POLR1A: variants seen among roughly 807,000 people sequenced by gnomAD.
POLR1A encodes DNA-directed RNA polymerase I subunit RPA1.
POLR1A carries 84 observed loss-of-function variants against 205.3 expected under a neutral mutation model. The ratio of observed to expected loss-of-function variants is 0.41; its 90% confidence interval spans 0.34 to 0.49. The LOEUF is 0.49. POLR1A is among the 20% of genes least tolerant of loss of function. The pLI is 0.22. For missense variants in POLR1A, 1,645 were observed against 2,204.5 expected, an observed-to-expected ratio of 0.75 and a Z score of 5.08; for synonymous variants, 799 against 863.7, an observed-to-expected ratio of 0.93 and a Z score of 1.31.
intron 16 of POLR1A, among the ~76,000 whole-genome samples, chr2:86,051,539 G>A (rs1672803167): frequency 6.6e-6 from 1 of 152,254 alleles, no homozygotes; most frequent in African/African-American, 2.4e-5. Context: ...GGTCTGTGAA[G>A]CAAAGGAGCC....
rs1690223809 is a variant in POLR1A at position 86,024,577 on chromosome 2, G to C, written c.*2846C>G. ...TGGGAATGCTGATAGTGTTTCTGGT[G>C]AGAACCCAAAAAAGAGACACTAAAA... On this transcript the variant is annotated 3_prime_UTR_variant, in exon 34 of 34. Transcript: ENST00000263857. The C allele has an allele frequency of 6.6e-6, 1 of 152,106 alleles. No individual in the cohort carries two copies. Among genetic ancestry groups the C allele is most frequent in the African/African-American group, 2.4e-5 (1 of 41,400 alleles). The allele number at this position is 152,106 out of a possible 1,614,324, so 9.4% of individuals were successfully genotyped here. A position where few individuals can be genotyped will look rare whatever the true frequency, so the allele number is the denominator to read the frequency against.
intron 28 of POLR1A, 97 bp downstream of exon 28, chr2:86,033,564 A>G (rs1397141292): frequency 7.3e-7 from 1 of 1,360,736 alleles, no homozygotes; most frequent in Non-Finnish European, 1.0e-6. Flanking sequence ...GGCCAGCACC[A>G]GGATGGGGCT....
At chr2:86,042,163 C>T (rs776430407) in intron 23 of POLR1A, 60 bp from the exon 24 acceptor site, 6 of 1,194,438 alleles carry the variant, frequency 5.0e-6, no homozygotes, top group Non-Finnish European at 6.2e-6. Flanking sequence ...TAAGAGGGAT[C>T]AAAAGCATTG....
Position 86,097,214 on chromosome 2 carries a change from C to CAAAAAAAAAAAAAAAAAAAAAAA in POLR1A, c.432+1374_432+1396dup, listed in dbSNP as rs757210116. Among the ~76,000 whole-genome samples, 40 of 39,692 alleles carry CAAAAAAAAAAAAAAAAAAAAAAA rather than the reference C, an allele frequency of 1.0e-3. 16 individuals are homozygous for CAAAAAAAAAAAAAAAAAAAAAAA. The highest frequency in any genetic ancestry group is 2.7e-3 in the African/African-American group (27 of 10,110). The allele number at this position is 39,692 out of a possible 152,430, so 26.0% of individuals were successfully genotyped here. A position where few individuals can be genotyped will look rare whatever the true frequency, so the allele number is the denominator to read the frequency against. Reference sequence around the variant, plus strand: ...CATTAGGATGGCTATCCCCAAAAGACAAAAAAAAAAAAAAAAAAAAAAAAA... The same window carrying CAAAAAAAAAAAAAAAAAAAAAAA: ...CATTAGGATGGCTATCCCCAAAAGACAAAAAAAAAAAAAAAAAAAAAAAAAAAAAAAAAAAAAAAAAAAAAAAA... On this transcript the variant is annotated intron_variant, in intron 3 of 33. Transcript: ENST00000263857.
intron 22 of POLR1A, 121 bp from the exon 23 acceptor site, chr2:86,043,316 C>T (rs1672651641): frequency 3.9e-6 from 3 of 761,218 alleles, no homozygotes; most frequent in Non-Finnish European, 6.7e-6. Flanking sequence ...GTGTGGAGCC[C>T]TCATGATGGG....
At chr2:86,054,614 A>AG (rs1672863354) in intron 14 of POLR1A, among the ~76,000 whole-genome samples, 1 of 152,250 alleles carries the variant, frequency 6.6e-6, no homozygotes, top group Admixed American at 6.5e-5. Context: ...GAAGGAGAGG[A>AG]AAAAGTAAAT....
intron 30 of POLR1A, among the ~76,000 whole-genome samples, chr2:86,031,093 T>G (rs1057019234): frequency 6.6e-6 from 1 of 152,210 alleles, no homozygotes; most frequent in Admixed American, 6.5e-5. Flanking sequence ...GGGCCCTTTT[T>G]CGGGGCAGAG....
intron 29 of POLR1A, 80 bp from the exon 30 acceptor site, chr2:86,031,715 T>TG (rs1672398765): frequency 1.3e-6 from 2 of 1,543,258 alleles, no homozygotes; most frequent in South Asian, 1.2e-5. Flanking sequence ...CAAAGACCCC[T>TG]GCAAAGCCTT....
chr2:86,025,366 C>G lies in POLR1A; in HGVS notation c.*2057G>C, dbSNP rs188729357. The G allele has an allele frequency of 3.3e-5, 5 of 152,364 alleles. No individual in the cohort carries two copies. The East Asian group carries it at 9.6e-4, about 29-fold the overall frequency. 9.4% of individuals were successfully genotyped at this position (152,364 alleles called of 1,614,324 possible). ...CATCTTAAGCTGCCAAGGCCACTCTCAGAGGCTTCCGAGCATAGAGAACCA... is the reference window on the plus strand; with the variant it reads ...CATCTTAAGCTGCCAAGGCCACTCTGAGAGGCTTCCGAGCATAGAGAACCA... On this transcript the variant is annotated 3_prime_UTR_variant, in exon 34 of 34. Coordinates refer to ENST00000263857, the MANE Select transcript of POLR1A (RefSeq NM_015425.6).
chr2:86,101,479 T>C (rs982773619), intron 1 of POLR1A, among the ~76,000 whole-genome samples: 1 of 152,210 alleles, frequency 6.6e-6, no homozygotes, highest in African/African-American at 2.4e-5. Context: ...CTTGTCTATA[T>C]GGTCACCTTG....
intron 1 of POLR1A, among the ~76,000 whole-genome samples, chr2:86,103,671 A>C (rs1442386565): frequency 2.6e-5 from 4 of 152,194 alleles, no homozygotes; most frequent in Non-Finnish European, 5.9e-5. Flanking sequence ...GTGGCTCAGG[A>C]GTTTATTCAT....
At chr2:86,042,335 A>C (rs936577522) in intron 23 of POLR1A, among the ~76,000 whole-genome samples, 1 of 152,206 alleles carries the variant, frequency 6.6e-6, no homozygotes, top group Non-Finnish European at 1.5e-5. Flanking sequence ...AGGGAGGGCA[A>C]GCATGTAATT....
chr2:86,029,008 C>T (rs1019197398), intron 31 of POLR1A, among the ~76,000 whole-genome samples: 7 of 152,212 alleles, frequency 4.6e-5, no homozygotes, highest in African/African-American at 1.7e-4. Flanking sequence ...TATTTTTAAA[C>T]TGAGACCTGT....
chr2:86,073,070 ACAC>A (rs1011166249), intron 12 of POLR1A, among the ~76,000 whole-genome samples: 2 of 152,058 alleles, frequency 1.3e-5, no homozygotes, highest in African/African-American at 4.8e-5. Flanking sequence ...CAAACTAGCC[ACAC>A]CTGTGGTCCC....
intron 25 of POLR1A, 117 bp downstream of exon 25, chr2:86,040,275 T>C: frequency 1.2e-6 from 1 of 822,854 alleles, no homozygotes; most frequent in Non-Finnish European, 1.7e-6. Context: ...CCTGTCCCTC[T>C]CTCACACAGA....
At chr2:86,087,340 A>C (rs1383019713) in intron 6 of POLR1A, among the ~76,000 whole-genome samples, 1 of 152,238 alleles carries the variant, frequency 6.6e-6, no homozygotes, top group Non-Finnish European at 1.5e-5. Context: ...TCTTATTTCC[A>C]TGCTTATCCC....
chr2:86,098,753 T>C lies in POLR1A; in HGVS notation c.290A>G (p.Tyr97Cys), dbSNP rs1324498472. Residue 97 changes from tyrosine to cysteine, a missense_variant, in exon 3 of 34, where the codon TAC becomes TGC. Tyr to Cys is a radical substitution (Grantham distance 194). Transcript: ENST00000263857. ...VYNPLLFDKL[Y>C]LLLRGSCLNC... Reference sequence around the variant, plus strand: ...TAAACAAGAGCCCCGAAGCAGCAGGTACAGCTTCTGAAGAGAGGGAATAAA... The same window carrying C: ...TAAACAAGAGCCCCGAAGCAGCAGGCACAGCTTCTGAAGAGAGGGAATAAA... The C allele has an allele frequency of 6.2e-7, 1 of 1,613,760 alleles. No individual in the cohort carries two copies. The highest frequency in any genetic ancestry group is 1.3e-5 in the African/African-American group (1 of 74,842).
chr2:86,085,292 T>G (rs1673485089), intron 6 of POLR1A, among the ~76,000 whole-genome samples: 1 of 152,188 alleles, frequency 6.6e-6, no homozygotes, highest in Non-Finnish European at 1.5e-5. Context: ...CAAACAACAC[T>G]GTGAGTATTC....
chr2:86,078,834 T>C (rs985326894), intron 9 of POLR1A, among the ~76,000 whole-genome samples: 4 of 152,250 alleles, frequency 2.6e-5, no homozygotes, highest in Non-Finnish European at 5.9e-5. Flanking sequence ...TAGTGGCTGA[T>C]TGCCAAGTCT....
Sources: allele counts gnomAD v4.1 joint callset (sites outside exome capture counted in the v4.1 genomes callset), GRCh38; gene constraint gnomAD v4.1.1; transcripts MANE v1.5; gene names NCBI Gene and HGNC (gene_info 2026-07-23, HGNC 2026-07-21).